MFN1: variants seen among roughly 807,000 people sequenced by gnomAD.
MFN1 encodes the protein mitofusin-1.
MFN1 carries 65 observed loss-of-function variants against 92.4 expected under a neutral mutation model. The ratio of observed to expected loss-of-function variants is 0.70; its 90% confidence interval spans 0.58 to 0.86. The LOEUF (loss-of-function observed/expected upper bound fraction) is 0.86, where lower values mean the gene tolerates loss of function less well. Ranked by LOEUF, MFN1 falls within the 40% of genes least tolerant of loss-of-function variation. The pLI, the probability that MFN1 is intolerant of heterozygous loss-of-function variation, is 0.00. For missense variants in MFN1, 781 were observed against 868.0 expected (o/e 0.90, Z 1.26); for synonymous variants, 297 against 300.9 (o/e 0.99, Z 0.13).
chr3:179,388,362 G>A (rs1176927159), intron 16 of MFN1, among the ~76,000 whole-genome samples: 5 of 152,152 alleles, frequency 3.3e-5, no homozygotes, highest in African/African-American at 4.8e-5. Flanking sequence ...AAATGTATAC[G>A]TTAAATGCTA....
chr3:179,382,674 T>C (rs1713517138), intron 14 of MFN1, among the ~76,000 whole-genome samples: 1 of 152,228 alleles, frequency 6.6e-6, no homozygotes. Flanking sequence ...TTGAACTAGT[T>C]TACAGTCCCA....
chr3:179,388,241 C>A (rs1000505225), intron 16 of MFN1, among the ~76,000 whole-genome samples: 1 of 152,056 alleles, frequency 6.6e-6, no homozygotes, highest in Non-Finnish European at 1.5e-5. Flanking sequence ...GGTAGCCTGG[C>A]CAAGCAGTCT....
chr3:179,354,718 CAA>C (rs1387514674), intron 3 of MFN1, among the ~76,000 whole-genome samples: 1 of 152,188 alleles, frequency 6.6e-6, no homozygotes, highest in Non-Finnish European at 1.5e-5. Flanking sequence ...GTATGCCAAA[CAA>C]AGGGTGGATT....
Position 179,367,626 on chromosome 3 carries a change from T to C in MFN1, c.907+34T>C, listed in dbSNP as rs369559525. ...TACCTATAGATTTCCTGTTTAAATA[T>C]AAAAATATTTAAAATTGGCTGGGTG... is the stretch of plus-strand genomic sequence containing the variant. On this transcript the variant is annotated intron_variant, in intron 8 of 17. Transcript: ENST00000471841. 33 of 1,533,388 alleles carry C rather than the reference T, an allele frequency of 2.2e-5. No individual in the cohort carries two copies. In the African/African-American group the frequency reaches 4.0e-4, roughly 19 times the overall value. 95.0% of individuals were successfully genotyped at this position (1,533,388 alleles called of 1,614,324 possible).
rs954391241 is a variant in MFN1, at chr3:179,378,356, A to G, written c.1345A>G (p.Ile449Val). 1 of 1,601,510 alleles carries G rather than the reference A, an allele frequency of 6.2e-7. No individual in the cohort carries two copies. The change falls in exon 13 of 18, where the codon ATA becomes GTA. Residue 449 changes from isoleucine to valine, a missense_variant. Transcript: ENST00000471841. The part of the protein sequence containing the change: ...KIYKSELNKH[I>V]EDGMGRNLAD... ...TTGTTAACAGGAATTAAATAAGCAC[A>G]TAGAGGATGGTATGGGAAGAAATTT...
At chr3:179,372,410 C>T (rs1713060359) in intron 9 of MFN1, among the ~76,000 whole-genome samples, 1 of 151,836 alleles carries the variant, frequency 6.6e-6, no homozygotes, top group South Asian at 2.1e-4. Context: ...TAAAATAAAT[C>T]TGGGAACTGC....
intron 9 of MFN1, among the ~76,000 whole-genome samples, chr3:179,371,112 C>A (rs1713007492): frequency 6.6e-6 from 1 of 152,154 alleles, no homozygotes; most frequent in Admixed American, 6.5e-5. Context: ...CCGTGAACTT[C>A]TTTAGATTCA....
chr3:179,387,729 A>AT (rs74948664), intron 16 of MFN1, among the ~76,000 whole-genome samples: 23,964 of 119,614 alleles, frequency 0.2, 2,832 homozygotes, highest in East Asian at 0.35. Flanking sequence ...CACCCAGCTA[A>AT]TTTTTTTTTT....
chr3:179,372,633 T>G (rs182243512), intron 9 of MFN1, among the ~76,000 whole-genome samples: 40 of 152,292 alleles, frequency 2.6e-4, no homozygotes, highest in Non-Finnish European at 4.6e-4. Context: ...TTTTCTTCTC[T>G]ATACTTACTC....
chr3:179,368,735 C>T (rs148745002), intron 9 of MFN1, among the ~76,000 whole-genome samples: 1 of 152,268 alleles, frequency 6.6e-6, no homozygotes, highest in Admixed American at 6.5e-5. Flanking sequence ...TATTCAGAGA[C>T]ATTAAAACTC....
At position 179,392,386 on chromosome 3, in the gene MFN1, C is replaced by G. The variant is rs532669455; in HGVS notation, c.*327C>G. On this transcript the variant is annotated 3_prime_UTR_variant, in exon 18 of 18. Coordinates refer to ENST00000471841, the MANE Select transcript of MFN1 (RefSeq NM_033540.3). The stretch of plus-strand genomic sequence containing the variant: ...CTGAAAAACTCTGCTTCCTGGCATC[C>G]AGGAGTTAGAGATTGAGCCTTTCAT... 1 of 184,914 alleles carries G rather than the reference C, an allele frequency of 5.4e-6. No homozygotes were observed. Among genetic ancestry groups the G allele is most frequent in the African/African-American group, 2.3e-5 (1 of 42,930 alleles). The allele number at this position is 184,914 out of a possible 1,614,324, so 11.5% of individuals were successfully genotyped here.
At chr3:179,381,960 T>C (rs116183880) in intron 14 of MFN1, among the ~76,000 whole-genome samples, 2,222 of 152,340 alleles carry the variant, frequency 0.015, 59 homozygotes, top group South Asian at 0.11. Context: ...CCTAAAGCTT[T>C]CGTCCAATAC....
chr3:179,389,974 T>G, intron 16 of MFN1, 30 bp from the exon 17 acceptor site: 1 of 1,583,758 alleles, frequency 6.3e-7, no homozygotes, highest in South Asian at 1.2e-5. Flanking sequence ...TTGAAGACAT[T>G]TATGACTGCT....
rs945008797 is a variant in MFN1 at position 179,394,150 on chromosome 3, A to G, written c.*2091A>G. The G allele has an allele frequency of 6.6e-6, 1 of 152,018 alleles. No individual in the cohort carries two copies. The highest frequency in any genetic ancestry group is 1.5e-5 in the Non-Finnish European group (1 of 68,010). 9.4% of individuals were successfully genotyped at this position (152,018 alleles called of 1,614,324 possible). ...GGTGTAAGCCACCACACACAGCTATAATCAACCTTCAAACTTATAAAAAGT... is the reference window on the plus strand; with the variant it reads ...GGTGTAAGCCACCACACACAGCTATGATCAACCTTCAAACTTATAAAAAGT... On this transcript the variant is annotated 3_prime_UTR_variant, in exon 18 of 18. Transcript: ENST00000471841.
chr3:179,377,497 C>T, intron 12 of MFN1, 49 bp downstream of exon 12: 2 of 1,120,418 alleles, frequency 1.8e-6, no homozygotes, highest in Non-Finnish European at 2.6e-6. Flanking sequence ...TCTTATTATT[C>T]TATACCCTCA....
chr3:179,372,426 A>T (rs2108542692), intron 9 of MFN1, among the ~76,000 whole-genome samples: 1 of 152,192 alleles, frequency 6.6e-6, no homozygotes, highest in East Asian at 1.9e-4. Context: ...ACTGCTGCAT[A>T]TTATATATGT....
Position 179,348,937 on chromosome 3 carries a change from T to G in MFN1, c.86T>G (p.Val29Gly). 1 of 1,593,944 alleles carries G rather than the reference T, an allele frequency of 6.3e-7. No individual in the cohort carries two copies. Among genetic ancestry groups the G allele is most frequent in the Non-Finnish European group, 8.6e-7 (1 of 1,164,164 alleles). The change falls in exon 2 of 18, where the codon GTT becomes GGT. Residue 29 changes from valine (V) to glycine (G), a missense_variant. Physicochemically the swap from Val to Gly is moderately radical, Grantham distance 109 (BLOSUM62 -3). Coordinates refer to ENST00000471841, the MANE Select transcript of MFN1 (RefSeq NM_033540.3). ...TAIFDQLLEF[V>G]TEGSHFVEAT... is the part of the protein sequence containing the mutation. Reference sequence around the variant, plus strand: ...ATCTTTGACCAGTTACTGGAGTTTGTTACTGAAGGATCACATTTTGTTGAA... The same window carrying G: ...ATCTTTGACCAGTTACTGGAGTTTGGTACTGAAGGATCACATTTTGTTGAA...
chr3:179,361,818 A>G (rs902013533), intron 4 of MFN1, among the ~76,000 whole-genome samples: 5 of 152,164 alleles, frequency 3.3e-5, no homozygotes, highest in African/African-American at 9.7e-5. Flanking sequence ...AATTACTGGC[A>G]TGAGCCACCG....
Position 179,367,542 on chromosome 3 carries a change from A to G in MFN1, c.857A>G (p.Lys286Arg). Residue 286 changes from lysine to arginine, a missense_variant, in exon 8 of 18, where the codon AAG (lysine) becomes AGG (arginine). Coordinates refer to ENST00000471841, the MANE Select transcript of MFN1 (RefSeq NM_033540.3). Reference protein sequence around the residue: ...AQNRIFFVSAKEVLSARKQKA... With the variant: ...AQNRIFFVSAREVLSARKQKA... ...AATCGTATCTTCTTTGTTTCAGCAA[A>G]GGAAGTTCTTAGTGCTAGAAAGCAA... 3.7e-6 allele frequency: 6 copies of G among 1,613,926 alleles called. No individual in the cohort carries two copies. The highest frequency in any genetic ancestry group is 5.1e-6 in the Non-Finnish European group (6 of 1,179,914).
Sources: allele counts gnomAD v4.1 joint callset (sites outside exome capture counted in the v4.1 genomes callset), GRCh38; gene constraint gnomAD v4.1.1; transcripts MANE v1.5; gene names NCBI Gene and HGNC (gene_info 2026-07-23, HGNC 2026-07-21).